The following PHACTR3 variants were observed in gnomAD, a reference collection of about 807,000 sequenced individuals.
PHACTR3 encodes the protein phosphatase and actin regulator 3, also known as protein phosphatase 1, regulatory subunit 123.
In PHACTR3, 16 loss-of-function variants were observed where a neutral mutation model predicts 66.8. The ratio of observed to expected loss-of-function variants is 0.24; its 90% CI spans 0.16 to 0.36. PHACTR3 has a LOEUF of 0.36. PHACTR3 is among the 10% of genes least tolerant of loss of function. The pLI, the probability that PHACTR3 is intolerant of heterozygous loss-of-function variation, is 1.00. For missense variants in PHACTR3, 647 were observed against 719.9 expected, an observed-to-expected ratio of 0.90 and a Z score of 1.16; for synonymous variants, 323 against 292.1, an observed-to-expected ratio of 1.11 and a Z score of -1.08.
chr20:59,815,694 A>T (rs1872201627), intron 8 of PHACTR3, among the ~76,000 whole-genome samples: 2 of 152,114 alleles, frequency 1.3e-5, no homozygotes, highest in Non-Finnish European at 2.9e-5. Context: ...AAGTGCTGGG[A>T]TTGCAGGCGT....
intron 1 of PHACTR3, among the ~76,000 whole-genome samples, chr20:59,678,395 G>A (rs972808897): frequency 5.9e-5 from 9 of 152,090 alleles, no homozygotes; most frequent in Non-Finnish European, 4.4e-5. Flanking sequence ...GGAGCCACAC[G>A]CTTTGCACCG....
chr20:59,773,606 C>T (rs2040430286), intron 6 of PHACTR3, among the ~76,000 whole-genome samples, 153 bp downstream of exon 6: 1 of 152,224 alleles, frequency 6.6e-6, no homozygotes, highest in Non-Finnish European at 1.5e-5. Context: ...TCATTTTGCA[C>T]CTCGCTCTGC....
intron 8 of PHACTR3, among the ~76,000 whole-genome samples, chr20:59,812,974 T>TCCA (rs1419245642): frequency 6.6e-6 from 1 of 152,202 alleles, no homozygotes; most frequent in Non-Finnish European, 1.5e-5. Context: ...TCCCAGCCAC[T>TCCA]GAGCCTTGCT....
chr20:59,701,799 A>G (rs974325149), intron 1 of PHACTR3, among the ~76,000 whole-genome samples: 1 of 152,242 alleles, frequency 6.6e-6, no homozygotes, highest in Non-Finnish European at 1.5e-5. Flanking sequence ...TGACAAATGC[A>G]TAATGGAATG....
intron 1 of PHACTR3, among the ~76,000 whole-genome samples, chr20:59,737,567 TGTGTGTGTGC>T (rs1346742867): frequency 3.9e-5 from 6 of 151,986 alleles, no homozygotes; most frequent in South Asian, 2.1e-4. Flanking sequence ...TCTGTGTGCA[TGTGTGTGTGC>T]GTGTGTGTGC....
chr20:59,717,251 C>A (rs909873125), intron 1 of PHACTR3, among the ~76,000 whole-genome samples: 2 of 152,102 alleles, frequency 1.3e-5, no homozygotes, highest in Admixed American at 1.3e-4. Context: ...ATAATGAAAA[C>A]AGCACTGGGT....
At chr20:59,650,210 G>A (rs2035416834) in intron 1 of PHACTR3, among the ~76,000 whole-genome samples, 1 of 152,138 alleles carries the variant, frequency 6.6e-6, no homozygotes, top group Non-Finnish European at 1.5e-5. Context: ...CCAAATGGGT[G>A]TGATGTTGAT....
At chr20:59,783,953 A>G (rs2040816282) in intron 7 of PHACTR3, among the ~76,000 whole-genome samples, 1 of 152,244 alleles carries the variant, frequency 6.6e-6, no homozygotes, top group Non-Finnish European at 1.5e-5. Context: ...GGGCCTCTGC[A>G]CTTTGCAGGC....
Position 59,829,049 on chromosome 20 carries a change from T to C in PHACTR3, c.1329-7456T>C, listed in dbSNP as rs1427180846. ...TAAGAGGAGCCAGTTCTCCCAGGGG[T>C]CTGGTGTGTGCCTGGGTGGTGGCTG... On this transcript the variant is annotated intron_variant, in intron 8 of 12. Coordinates refer to ENST00000371015, the MANE Select transcript of PHACTR3 (RefSeq NM_080672.5). This position sits in a 1 kb window ranked among gnomAD's most constrained non-coding sequence, Gnocchi z 4.2. Among the ~76,000 whole-genome samples, 1 of 151,770 alleles carries C rather than the reference T, an allele frequency of 6.6e-6. No homozygotes were observed. Among genetic ancestry groups the C allele is most frequent in the East Asian group, 1.9e-4 (1 of 5,144 alleles).
At chr20:59,755,448 A>T in intron 4 of PHACTR3, 84 bp downstream of exon 4, 1 of 1,408,106 alleles carries the variant, frequency 7.1e-7, no homozygotes. Flanking sequence ...TAGCTTAGGC[A>T]ACAGCCCTCG....
At chr20:59,600,439 C>T (rs1326235915), upstream of PHACTR3, among the ~76,000 whole-genome samples, 1 of 152,190 alleles carries the variant, frequency 6.6e-6, no homozygotes, top group Non-Finnish European at 1.5e-5. Flanking sequence ...TGGTTGGATG[C>T]ATCCATTGGT....
At chr20:59,744,245 A>T (rs1171498676) in intron 2 of PHACTR3, among the ~76,000 whole-genome samples, 3 of 152,234 alleles carry the variant, frequency 2.0e-5, no homozygotes, top group Non-Finnish European at 2.9e-5. Flanking sequence ...AGGGTCACAC[A>T]GCCAGCAGGT....
intron 8 of PHACTR3, among the ~76,000 whole-genome samples, chr20:59,814,819 G>C (rs999287699): frequency 2.6e-5 from 4 of 152,104 alleles, no homozygotes; most frequent in Non-Finnish European, 4.4e-5. Context: ...TGAAGACACT[G>C]GGGTCTGGAA....
chr20:59,676,749 C>T (rs2036461413), intron 1 of PHACTR3: 2 of 984,724 alleles, frequency 2.0e-6, no homozygotes, highest in Non-Finnish European at 2.4e-6. Context: ...ATCCAGGATC[C>T]CTCTGTGACC....
rs916768599 is a variant in PHACTR3 at position 59,604,551 on chromosome 20, A to G, written c.-464A>G. ...CAAGAACAGCTTTCAGATTAAAGCA[A>G]TTGCAAGAGCAAAGATTCTTCCTTT... is the stretch of plus-strand genomic sequence containing the variant. On this transcript the variant is annotated 5_prime_UTR_variant, in exon 1 of 13. Transcript: ENST00000371015. 1 of 814,406 alleles carries G rather than the reference A, an allele frequency of 1.2e-6. No individual in the cohort carries two copies. The highest frequency in any genetic ancestry group is 1.4e-6 in the Non-Finnish European group (1 of 693,624). The allele number at this position is 814,406 out of a possible 1,614,324, so 50.4% of individuals were successfully genotyped here.
chr20:59,580,606 G>A (rs1273760985), intron 1 of PHACTR3, among the ~76,000 whole-genome samples: 1 of 151,938 alleles, frequency 6.6e-6, no homozygotes, highest in Admixed American at 6.6e-5. Flanking sequence ...TGAAGGGAAA[G>A]GCGTGATCAA....
At chr20:59,798,438 T>C (rs1166303911) in intron 7 of PHACTR3, among the ~76,000 whole-genome samples, 1 of 152,236 alleles carries the variant, frequency 6.6e-6, no homozygotes, top group Non-Finnish European at 1.5e-5. Flanking sequence ...AAATTAGTAT[T>C]ATTCTCTAAA....
chr20:59,686,742 GAT>G (rs2036889713), intron 1 of PHACTR3, among the ~76,000 whole-genome samples: 1 of 98,768 alleles, frequency 1.0e-5, no homozygotes, highest in Non-Finnish European at 2.1e-5. Context: ...TGGTGGTGAT[GAT>G]GGTGATGATG....
At chr20:59,843,095 A>G (rs2059093751) in intron 11 of PHACTR3, among the ~76,000 whole-genome samples, 1 of 152,130 alleles carries the variant, frequency 6.6e-6, no homozygotes. Context: ...GCTAAGAAAG[A>G]AATCAAGAAG....
Sources: allele counts gnomAD v4.1 joint callset (sites outside exome capture counted in the v4.1 genomes callset), GRCh38; gene constraint gnomAD v4.1.1; non-coding constraint Gnocchi (gnomAD v3.1); transcripts MANE v1.5; gene names NCBI Gene and HGNC (gene_info 2026-07-23, HGNC 2026-07-21).